The following CNTN4 variants were observed in gnomAD, a reference collection of about 807,000 sequenced individuals.
CNTN4 encodes contactin 4.
A neutral mutation model predicts 122.5 loss-of-function variants in CNTN4; 77 were observed. That is an observed-to-expected ratio of 0.63 (90% confidence interval 0.52 to 0.76). The LOEUF (loss-of-function observed/expected upper bound fraction) is 0.76, where lower values mean the gene tolerates loss of function less well. Ranked by LOEUF, CNTN4 falls within the 30% of genes least tolerant of loss-of-function variation. CNTN4 has a pLI of 0.00. For synonymous variants in CNTN4, 512 were observed against 447.0 expected (o/e 1.15, Z -1.83); for missense variants, 1,256 against 1,259.1 (o/e 1.00, Z 0.04).
At chr3:2,266,418 C>T (rs578080639) in intron 2 of CNTN4, among the ~76,000 whole-genome samples, 57 of 152,176 alleles carry the variant, frequency 3.7e-4, no homozygotes, top group Admixed American at 2.2e-3. Flanking sequence ...ATTCTCTTTA[C>T]GACTAATTTT....
intron 2 of CNTN4, among the ~76,000 whole-genome samples, chr3:2,193,727 C>T (rs2037700720): frequency 6.6e-6 from 1 of 152,190 alleles, no homozygotes; most frequent in Non-Finnish European, 1.5e-5. Flanking sequence ...ATCACATATG[C>T]ATGACTATGG....
intron 3 of CNTN4, among the ~76,000 whole-genome samples, chr3:2,536,852 A>G (rs1363663447): frequency 1.3e-5 from 2 of 152,174 alleles, no homozygotes; most frequent in African/African-American, 4.8e-5. Flanking sequence ...CATTACGTTG[A>G]AGAGCCCAGG....
intron 3 of CNTN4, among the ~76,000 whole-genome samples, chr3:2,470,931 C>T (rs2075663448): frequency 6.6e-6 from 1 of 152,156 alleles, no homozygotes; most frequent in Non-Finnish European, 1.5e-5. Context: ...CAAAATACAG[C>T]CTTTACCCTT....
At position 3,039,975 on chromosome 3, in the gene CNTN4, A is replaced by C. The variant is rs115490441; in HGVS notation, c.2164-62A>C. Reference sequence around the variant, plus strand: ...CAAGAATGTTACAAGGGAAACAAAAACGATTTTTGCATTTGAGTGAAACTA... The same window carrying C: ...CAAGAATGTTACAAGGGAAACAAAACCGATTTTTGCATTTGAGTGAAACTA... On this transcript the variant is annotated intron_variant, in intron 19 of 24. Coordinates refer to ENST00000418658, the MANE Select transcript of CNTN4 (RefSeq NM_175607.3). The C allele has an allele frequency of 1.0e-3, 1,214 of 1,197,734 alleles. 8 individuals are homozygous for C. The African/African-American group carries it at 0.015, about 14-fold the overall frequency. The allele number at this position is 1,197,734 out of a possible 1,614,324, so 74.2% of individuals were successfully genotyped here.
intron 13 of CNTN4, among the ~76,000 whole-genome samples, chr3:2,954,538 C>T (rs774709783): frequency 3.3e-5 from 5 of 151,858 alleles, no homozygotes; most frequent in Non-Finnish European, 5.9e-5. Flanking sequence ...GAATCCTTCT[C>T]GGTGGTTCAG....
intron 4 of CNTN4, among the ~76,000 whole-genome samples, chr3:2,694,040 T>A (rs1247766470): frequency 6.6e-6 from 1 of 152,196 alleles, no homozygotes; most frequent in African/African-American, 2.4e-5. Flanking sequence ...CATCTTATAC[T>A]CAAATTATAT....
chr3:2,469,195 G>C (rs59986003), intron 3 of CNTN4, among the ~76,000 whole-genome samples: 43,865 of 151,950 alleles, frequency 0.29, 6,360 homozygotes, highest in Middle Eastern at 0.35. Flanking sequence ...TGAGAAATAC[G>C]TTTCATTCCT....
At chr3:2,216,345 T>C (rs536693928) in intron 2 of CNTN4, among the ~76,000 whole-genome samples, 50 of 152,118 alleles carry the variant, frequency 3.3e-4, no homozygotes, top group Non-Finnish European at 5.1e-4. Flanking sequence ...TGAGAACTTA[T>C]GAACACAGAT....
chr3:2,832,282 C>T (rs1238746793), intron 7 of CNTN4, among the ~76,000 whole-genome samples: 2 of 152,068 alleles, frequency 1.3e-5, no homozygotes, highest in Non-Finnish European at 1.5e-5. Context: ...TTTCAGATAC[C>T]AGGCCTTGTC....
intron 2 of CNTN4, among the ~76,000 whole-genome samples, chr3:2,209,654 C>G (rs1399190548): frequency 6.6e-6 from 1 of 150,520 alleles, no homozygotes; most frequent in African/African-American, 2.4e-5. Context: ...GGGAGATGCA[C>G]AGCTGAGATT....
intron 3 of CNTN4, among the ~76,000 whole-genome samples, chr3:2,411,384 T>G (rs2047221645): frequency 6.6e-6 from 1 of 152,178 alleles, no homozygotes; most frequent in Admixed American, 6.5e-5. Flanking sequence ...GCTTATTTCT[T>G]CAGAAATATT....
intron 3 of CNTN4, among the ~76,000 whole-genome samples, chr3:2,426,233 A>C (rs144318132): frequency 6.6e-5 from 10 of 152,262 alleles, no homozygotes; most frequent in African/African-American, 2.4e-4. Context: ...TTATTTTGAG[A>C]TACGTCCCAT....
chr3:2,721,096 C>G (rs764314832), intron 4 of CNTN4, among the ~76,000 whole-genome samples: 4 of 152,084 alleles, frequency 2.6e-5, no homozygotes, highest in Non-Finnish European at 5.9e-5. Context: ...CTCAGCCTCC[C>G]GAGCAGCTGG....
rs144259556 is a variant in CNTN4 at position 2,291,612 on chromosome 3, A to G, written c.-144-47566A>G. Reference sequence around the variant, plus strand: ...GATAATGCTAATATAAAATTATTAAAGGATTAATTCACTGAAGTCCTTATG... The same window carrying G: ...GATAATGCTAATATAAAATTATTAAGGGATTAATTCACTGAAGTCCTTATG... On this transcript the variant is annotated intron_variant, in intron 2 of 24. Coordinates refer to ENST00000418658, the MANE Select transcript of CNTN4 (RefSeq NM_175607.3). 1.3e-4 allele frequency among the ~76,000 whole-genome samples: 19 copies of G among 150,736 alleles called. No individual in the cohort carries two copies. In the East Asian group the frequency reaches 3.5e-3, roughly 28 times the overall value.
At position 2,819,550 on chromosome 3, in the gene CNTN4, G is replaced by C; in HGVS notation, c.423G>C (p.Val141=). 1.2e-6 allele frequency: 2 copies of C among 1,614,014 alleles called. No individual in the cohort carries two copies. The highest frequency in any genetic ancestry group is 1.7e-6 in the Non-Finnish European group (2 of 1,179,882). The change falls in exon 7 of 25, where the codon GTG becomes GTC. Residue 141 remains valine (V), a synonymous_variant. Coordinates refer to ENST00000418658, the MANE Select transcript of CNTN4 (RefSeq NM_175607.3). ...CTGTCCGTCGAGGTCAAGGAATGGT[G>C]CTACTGTGTGGCCCGCCACCCCATT... ...TVSVRRGQGM[V]LLCGPPPHSG...
At chr3:2,771,870 G>A (rs1036179004) in intron 6 of CNTN4, among the ~76,000 whole-genome samples, 2 of 152,202 alleles carry the variant, frequency 1.3e-5, no homozygotes, top group South Asian at 4.1e-4. Context: ...CCCCAAGAGA[G>A]ACAGTGACTG....
At chr3:2,612,483 G>A (rs531409604) in intron 4 of CNTN4, among the ~76,000 whole-genome samples, 6 of 152,030 alleles carry the variant, frequency 3.9e-5, no homozygotes, top group Admixed American at 6.6e-5. Context: ...GTGTGTGTGC[G>A]TGTGAATTGG....
At chr3:2,134,232 C>T (rs533522843) in intron 2 of CNTN4, among the ~76,000 whole-genome samples, 40 of 152,164 alleles carry the variant, frequency 2.6e-4, no homozygotes, top group Non-Finnish European at 4.9e-4. Context: ...ATCAGAATCA[C>T]CCTTGAAACT....
intron 7 of CNTN4, among the ~76,000 whole-genome samples, chr3:2,855,613 C>T (rs1182564619): frequency 2.0e-5 from 3 of 152,198 alleles, no homozygotes; most frequent in Non-Finnish European, 4.4e-5. Context: ...ATGTCTTATT[C>T]AGTCCAGGTG....
Sources: allele counts gnomAD v4.1 joint callset (sites outside exome capture counted in the v4.1 genomes callset), GRCh38; gene constraint gnomAD v4.1.1; transcripts MANE v1.5; gene names NCBI Gene and HGNC (gene_info 2026-07-23, HGNC 2026-07-21).